The following NCKAP1 variants were observed in gnomAD, a reference collection of about 807,000 sequenced individuals.
NCKAP1 encodes the protein NCK associated protein 1, also known as nck-associated protein 1.
In NCKAP1, 21 loss-of-function variants were observed where a neutral mutation model predicts 151.2. That is an observed-to-expected ratio of 0.14 (90% CI 0.10 to 0.20). NCKAP1 has a LOEUF of 0.20. Among genes scored for constraint, NCKAP1 ranks in the 10% least tolerant of loss-of-function variants. NCKAP1 has a pLI of 1.00. For missense variants in NCKAP1, 933 were observed against 1,352.1 expected (o/e 0.69, Z 4.86); for synonymous variants, 484 against 451.8 (o/e 1.07, Z -0.90).
At chr2:182,928,514 G>A (rs1163583606) in intron 28 of NCKAP1, among the ~76,000 whole-genome samples, 6 of 152,138 alleles carry the variant, frequency 3.9e-5, no homozygotes, top group Non-Finnish European at 5.9e-5. Context: ...TAAAAAGGAA[G>A]TGCTTAGCTG....
rs1199716904 is a variant in NCKAP1, at chr2:182,935,311, T to A, written c.2760A>T (p.Ala920=). The A allele has an allele frequency of 6.3e-7, 1 of 1,591,038 alleles. No homozygotes were observed. The highest frequency in any genetic ancestry group is 8.5e-7 in the Non-Finnish European group (1 of 1,171,274). The change falls in exon 25 of 31, where the codon GCA becomes GCT. Residue 920 remains alanine (A), a synonymous_variant. Transcript: ENST00000361354. The part of the protein sequence containing the change: ...IGVILSFRSL[A]QEALRDVLSY... ...TTCTTACATCTCTAAGTGCTTCTTG[T>A]GCCAATGATCGGAAGGATAAAATTA...
chr2:182,964,232 C>T (rs577407439), intron 17 of NCKAP1, among the ~76,000 whole-genome samples: 20 of 152,204 alleles, frequency 1.3e-4, no homozygotes, highest in African/African-American at 4.8e-4. Flanking sequence ...ACAAGTATCA[C>T]AAAATCTGGA....
At chr2:182,927,158 G>T in intron 29 of NCKAP1, 1 of 327,180 alleles carries the variant, frequency 3.1e-6, no homozygotes, top group South Asian at 4.4e-5. Flanking sequence ...GATTTTTTCA[G>T]AACAAGTCTG....
At position 182,921,928 on chromosome 2, in the gene NCKAP1, T is replaced by G. The variant is rs1015014719; in HGVS notation, c.*3774A>C. On this transcript the variant is annotated 3_prime_UTR_variant, in exon 31 of 31. Coordinates refer to ENST00000361354, the MANE Select transcript of NCKAP1 (RefSeq NM_013436.5). ...ACCAATTAACGAAAAACATAATTTT[T>G]GTACTACAGAATAAAAATTTTAAAA... 6.6e-6 allele frequency: 1 copy of G among 152,212 alleles called. No individual in the cohort carries two copies. Among genetic ancestry groups the G allele is most frequent in the Non-Finnish European group, 1.5e-5 (1 of 68,034 alleles). 9.4% of individuals were successfully genotyped at this position (152,212 alleles called of 1,614,324 possible). A position where few individuals can be genotyped will look rare whatever the true frequency, so the allele number is the denominator to read the frequency against.
rs543404746 is a variant in NCKAP1 at position 182,965,803 on chromosome 2, C to G, written c.1629-995G>C. ...CTTTGCATAGCTGAAAATATCTAAA[C>G]ATATAATGTTTCATGTTCTACCTAA... On this transcript the variant is annotated intron_variant, in intron 16 of 30. Coordinates refer to ENST00000361354, the MANE Select transcript of NCKAP1 (RefSeq NM_013436.5). Among the ~76,000 whole-genome samples, 5 of 152,254 alleles carry G rather than the reference C, an allele frequency of 3.3e-5. No individual in the cohort carries two copies. The South Asian group carries it at 1.0e-3, about 32-fold the overall frequency.
At chr2:183,001,062 C>T (rs1393454144) in intron 6 of NCKAP1, among the ~76,000 whole-genome samples, 3 of 152,162 alleles carry the variant, frequency 2.0e-5, no homozygotes, top group Non-Finnish European at 2.9e-5. Context: ...CACTGCATTC[C>T]GGCTGGGGCG....
chr2:182,927,629 T>G (rs1453426249), intron 29 of NCKAP1, among the ~76,000 whole-genome samples: 1 of 152,006 alleles, frequency 6.6e-6, no homozygotes, highest in Non-Finnish European at 1.5e-5. Flanking sequence ...CTCTTGGTAG[T>G]GAGTAGTATT....
chr2:182,959,205 A>G (rs756876767), intron 18 of NCKAP1, among the ~76,000 whole-genome samples: 2 of 152,210 alleles, frequency 1.3e-5, no homozygotes, highest in Non-Finnish European at 2.9e-5. Flanking sequence ...TTGCATTTCT[A>G]TTGTGACAAA....
chr2:182,925,807 T>C lies in NCKAP1; in HGVS notation c.3282A>G (p.Glu1094=), dbSNP rs145603474. The C allele has an allele frequency of 3.9e-6, 6 of 1,543,916 alleles. No individual in the cohort carries two copies. The highest frequency in any genetic ancestry group is 1.4e-5 in the African/African-American group (1 of 71,346). The change falls in exon 31 of 31, where the codon GAA becomes GAG. Residue 1094 remains glutamate, a synonymous_variant. Transcript: ENST00000361354. The stretch of plus-strand genomic sequence containing the variant: ...AAAGATCCATTGTAAGGAATGGAGA[T>C]TCTTGTACAATCTGTAAAATTCAAA... The part of the protein sequence containing the change: ...VYLLLDMIVQ[E]SPFLTMDLLE...
In NCKAP1 at chr2:182,925,879, C is replaced by A. The variant is rs552104343; in HGVS notation, c.3271-61G>T. 5.7e-5 allele frequency: 49 copies of A among 862,710 alleles called. No individual in the cohort carries two copies. In the African/African-American group the frequency reaches 8.1e-4, roughly 14 times the overall value. 53.4% of individuals were successfully genotyped at this position (862,710 alleles called of 1,614,324 possible). On this transcript the variant is annotated intron_variant, in intron 30 of 30. Transcript: ENST00000361354. ...TTATAACTTGTTTATAAACAAAAAT[C>A]ATAAGTTATTTATAATGGGAACATT...
chr2:182,957,923 T>C (rs187050217), intron 18 of NCKAP1, among the ~76,000 whole-genome samples: 165 of 152,262 alleles, frequency 1.1e-3, no homozygotes, highest in African/African-American at 3.7e-3. Flanking sequence ...AATATTTCAC[T>C]GGAAGGATTA....
intron 10 of NCKAP1, among the ~76,000 whole-genome samples, chr2:182,984,423 G>GGTGTGTGTGTGT (rs4018678): frequency 1.4e-5 from 2 of 144,276 alleles, no homozygotes; most frequent in African/African-American, 5.0e-5. Context: ...TTTAGATTGG[G>GGTGTGTGTGTGT]GTGTGTGTGT....
chr2:183,016,930 C>A (rs1336139179), intron 2 of NCKAP1, among the ~76,000 whole-genome samples: 1 of 152,002 alleles, frequency 6.6e-6, no homozygotes. Flanking sequence ...TAGTGGGGAA[C>A]CCGGACAAGT....
chr2:183,035,098 AT>A (rs1430864678), intron 1 of NCKAP1, among the ~76,000 whole-genome samples: 2 of 151,974 alleles, frequency 1.3e-5, no homozygotes, highest in Non-Finnish European at 2.9e-5. Context: ...GAAACCATAT[AT>A]TTAAAAACAA....
At position 182,981,292 on chromosome 2, in the gene NCKAP1, C is replaced by T; in HGVS notation, c.1293G>A (p.Val431=). The T allele has an allele frequency of 6.2e-7, 1 of 1,613,736 alleles. No individual in the cohort carries two copies. The highest frequency in any genetic ancestry group is 1.3e-5 in the African/African-American group (1 of 75,038). Residue 431 remains valine, a synonymous_variant, in exon 13 of 31, where the codon GTG becomes GTA. Transcript: ENST00000361354. ...CAGCATCAAAGCCAGAAAGGTACTGCACGTAATACCTCTGCATTACAGGTC... is the reference window on the plus strand; with the variant it reads ...CAGCATCAAAGCCAGAAAGGTACTGTACGTAATACCTCTGCATTACAGGTC... The part of the protein sequence containing the change: ...KYGPVMQRYY[V]QYLSGFDAVV...
intron 2 of NCKAP1, among the ~76,000 whole-genome samples, chr2:183,004,693 G>A (rs1698436381): frequency 1.3e-5 from 2 of 152,090 alleles, no homozygotes; most frequent in South Asian, 4.2e-4. Flanking sequence ...AGACCAGCCT[G>A]ACCAACATGG....
At chr2:182,929,446 T>G (rs1302261862) in intron 27 of NCKAP1, among the ~76,000 whole-genome samples, 3 of 151,790 alleles carry the variant, frequency 2.0e-5, no homozygotes, top group Non-Finnish European at 4.4e-5. Flanking sequence ...AAACTAGTCA[T>G]GAATAAAAGA....
intron 23 of NCKAP1, among the ~76,000 whole-genome samples, chr2:182,950,264 A>G (rs750311150): frequency 6.6e-6 from 1 of 152,226 alleles, no homozygotes; most frequent in Admixed American, 6.5e-5. Flanking sequence ...TTATTACCAT[A>G]CCATGATACT....
In NCKAP1 at chr2:182,924,035, AT is replaced by A. The variant is rs1306385092; in HGVS notation, c.*1666del. The A allele has an allele frequency of 6.6e-6, 1 of 152,212 alleles. No homozygotes were observed. Among genetic ancestry groups the A allele is most frequent in the Non-Finnish European group, 1.5e-5 (1 of 68,024 alleles). The allele number at this position is 152,212 out of a possible 1,614,324, so 9.4% of individuals were successfully genotyped here. On this transcript the variant is annotated 3_prime_UTR_variant, in exon 31 of 31. Transcript: ENST00000361354. ...AAGTTATTACCTCTCTAAGATCCTA[AT>A]ATTTCAAAACAAACGGCATTAAATC...
Sources: gnomAD v4.1 joint callset for allele counts (sites outside exome capture counted in the v4.1 genomes callset) on GRCh38, gnomAD v4.1.1 for gene constraint, MANE v1.5 for transcripts, NCBI Gene and HGNC (gene_info 2026-07-23, HGNC 2026-07-21) for gene names.